The following GUCY1A2 variants were observed in gnomAD, a reference collection of about 807,000 sequenced individuals.
The protein encoded by GUCY1A2 is guanylate cyclase 1 soluble subunit alpha 2, also known as guanylate cyclase soluble subunit alpha-2.
GUCY1A2 carries 27 observed loss-of-function variants against 63.5 expected under a neutral mutation model. The observed-to-expected ratio is 0.43, with a 90% CI of 0.31 to 0.59. The LOEUF is 0.59. GUCY1A2 is among the 20% of genes least tolerant of loss of function. The pLI is 0.11. For synonymous variants in GUCY1A2, 364 were observed against 343.5 expected, an observed-to-expected ratio of 1.06 and a Z score of -0.66; for missense variants, 768 against 913.3, an observed-to-expected ratio of 0.84 and a Z score of 2.05.
chr11:106,706,416 T>C (rs935990974), intron 7 of GUCY1A2, among the ~76,000 whole-genome samples: 1 of 152,080 alleles, frequency 6.6e-6, no homozygotes, highest in African/African-American at 2.4e-5. Flanking sequence ...TAAGCTTCAG[T>C]GTATGCAGTA....
At chr11:106,815,674 T>C (rs1202318999) in intron 4 of GUCY1A2, among the ~76,000 whole-genome samples, 2 of 151,980 alleles carry the variant, frequency 1.3e-5, no homozygotes, top group African/African-American at 4.8e-5. Context: ...CTAAATCATA[T>C]GCGATGACTG....
intron 6 of GUCY1A2, among the ~76,000 whole-genome samples, chr11:106,765,563 G>A (rs1385141773): frequency 2.0e-5 from 3 of 151,990 alleles, no homozygotes; most frequent in African/African-American, 2.4e-5. Flanking sequence ...AGTAAAAGTC[G>A]CTGCCAGCAA....
intron 4 of GUCY1A2, among the ~76,000 whole-genome samples, chr11:106,896,007 T>A (rs1485726328): frequency 7.6e-6 from 1 of 132,180 alleles, no homozygotes; most frequent in Admixed American, 7.6e-5. Flanking sequence ...AGACTCTGTC[T>A]CAAAAAAAAA....
chr11:106,814,254 AT>A (rs1858801819), intron 4 of GUCY1A2, among the ~76,000 whole-genome samples: 1 of 152,038 alleles, frequency 6.6e-6, no homozygotes, highest in Non-Finnish European at 1.5e-5. Flanking sequence ...GCACTTCTAG[AT>A]TTGGTTTCTG....
At chr11:106,874,065 A>C (rs1037191765) in intron 4 of GUCY1A2, among the ~76,000 whole-genome samples, 1 of 152,056 alleles carries the variant, frequency 6.6e-6, no homozygotes, top group Non-Finnish European at 1.5e-5. Context: ...TAGCCTGTTC[A>C]CTCCATTCTT....
rs760465502 is a variant in GUCY1A2, at chr11:106,810,492, A to AT, written c.1207-15dup. The AT allele has an allele frequency of 3.2e-6, 5 of 1,584,198 alleles. No individual in the cohort carries two copies. Among genetic ancestry groups the AT allele is most frequent in the African/African-American group, 1.4e-5 (1 of 73,886 alleles). ...GACTTCCATCACCTGTGAAATTAAC[A>AT]TGGAATTTTGATCAGTACTCTTCAC... On this transcript the variant is annotated splice_polypyrimidine_tract_variant and intron_variant, in intron 4 of 7. Coordinates refer to ENST00000526355, the MANE Select transcript of GUCY1A2 (RefSeq NM_000855.3).
intron 4 of GUCY1A2, among the ~76,000 whole-genome samples, chr11:106,832,913 A>C (rs1325378725): frequency 2.0e-5 from 3 of 152,080 alleles, no homozygotes; most frequent in African/African-American, 7.2e-5. Context: ...CCTACATACT[A>C]TTAAGCTGTC....
intron 5 of GUCY1A2, among the ~76,000 whole-genome samples, chr11:106,781,370 C>A (rs567435455): frequency 6.6e-6 from 1 of 152,214 alleles, no homozygotes; most frequent in East Asian, 1.9e-4. Flanking sequence ...ATTTTCTGAA[C>A]ATAGAAGAGG....
intron 6 of GUCY1A2, among the ~76,000 whole-genome samples, chr11:106,750,307 C>CTGAT (rs1397827494): frequency 6.6e-6 from 1 of 152,072 alleles, no homozygotes; most frequent in African/African-American, 2.4e-5. Context: ...ATGCTGGCAG[C>CTGAT]TGATTGGATG....
intron 5 of GUCY1A2, among the ~76,000 whole-genome samples, chr11:106,787,597 G>GGGGGAGGGGGGA (rs1291819228): frequency 6.9e-6 from 1 of 144,274 alleles, no homozygotes; most frequent in Non-Finnish European, 1.5e-5. Context: ...AGGAAGGGAA[G>GGGGGAGGGGGGA]GGAAAAAGAG....
intron 6 of GUCY1A2, among the ~76,000 whole-genome samples, chr11:106,759,101 C>T (rs1206349319): frequency 2.0e-5 from 3 of 151,016 alleles, no homozygotes; most frequent in African/African-American, 7.3e-5. Context: ...CTCAGCATCA[C>T]ACAACATACC....
At chr11:106,733,131 A>G (rs763155515) in intron 6 of GUCY1A2, among the ~76,000 whole-genome samples, 25 of 152,194 alleles carry the variant, frequency 1.6e-4, no homozygotes, top group Non-Finnish European at 3.2e-4. Flanking sequence ...AAACTTGCCA[A>G]AAGGACATGT....
At chr11:106,943,403 C>G (rs1457729718) in intron 3 of GUCY1A2, among the ~76,000 whole-genome samples, 1 of 152,192 alleles carries the variant, frequency 6.6e-6, no homozygotes, top group Non-Finnish European at 1.5e-5. Context: ...CAAAGCTGCT[C>G]TTATTAATGG....
At chr11:106,738,678 G>A (rs1863632958) in intron 6 of GUCY1A2, among the ~76,000 whole-genome samples, 1 of 152,050 alleles carries the variant, frequency 6.6e-6, no homozygotes, top group South Asian at 2.1e-4. Context: ...TTTTTGTCAG[G>A]TTTGTCAAAG....
At chr11:106,992,093 G>A (rs1432632196) in intron 1 of GUCY1A2, among the ~76,000 whole-genome samples, 2 of 152,170 alleles carry the variant, frequency 1.3e-5, no homozygotes, top group Non-Finnish European at 2.9e-5. Flanking sequence ...ATCTAAGCAT[G>A]TAACCTTCAA....
chr11:106,913,960 T>A (rs1466735786), intron 4 of GUCY1A2, among the ~76,000 whole-genome samples: 1 of 144,658 alleles, frequency 6.9e-6, no homozygotes, highest in Non-Finnish European at 1.5e-5. Flanking sequence ...TGTTGGGTCA[T>A]TGATTTCAAT....
rs576145406 is a variant in GUCY1A2 at position 106,961,518 on chromosome 11, A to T, written c.487+17101T>A. 3.4e-4 allele frequency among the ~76,000 whole-genome samples: 52 copies of T among 152,330 alleles called. 1 individual carries two copies. The highest frequency in any genetic ancestry group is 1.1e-3 in the African/African-American group (44 of 41,578). ...TCTTTCTCAATATTTGAAAGCAAAC[A>T]AAAATGCATTATCCAAAAGGTCAAC... is the stretch of plus-strand genomic sequence containing the variant. On this transcript the variant is annotated intron_variant, in intron 3 of 7. Coordinates refer to ENST00000526355, the MANE Select transcript of GUCY1A2 (RefSeq NM_000855.3).
chr11:106,686,015 A>G lies in GUCY1A2; in HGVS notation c.*1534T>C. 1 of 217,786 alleles carries G rather than the reference A, an allele frequency of 4.6e-6. No homozygotes were observed. 13.5% of individuals were successfully genotyped at this position (217,786 alleles called of 1,614,324 possible). A position where few individuals can be genotyped will look rare whatever the true frequency, so the allele number is the denominator to read the frequency against. Reference sequence around the variant, plus strand: ...TTATGTCATAACCAAATCATAATGCAGCCAAAATCCCTGAACAGAAAAGAA... The same window carrying G: ...TTATGTCATAACCAAATCATAATGCGGCCAAAATCCCTGAACAGAAAAGAA... On this transcript the variant is annotated 3_prime_UTR_variant, in exon 8 of 8. Transcript: ENST00000526355.
chr11:106,950,081 CTAA>C (rs1489953693), intron 3 of GUCY1A2, among the ~76,000 whole-genome samples: 1 of 152,182 alleles, frequency 6.6e-6, no homozygotes, highest in Non-Finnish European at 1.5e-5. Flanking sequence ...TGCCAAATGA[CTAA>C]TTTAATAGGT....
Sources: allele counts gnomAD v4.1 joint callset (sites outside exome capture counted in the v4.1 genomes callset), GRCh38; gene constraint gnomAD v4.1.1; transcripts MANE v1.5; gene names NCBI Gene and HGNC (gene_info 2026-07-23, HGNC 2026-07-21).